LRRTM4: variants seen among roughly 807,000 people sequenced by gnomAD.
LRRTM4 encodes the protein leucine rich repeat transmembrane neuronal 4.
LRRTM4 carries 25 observed loss-of-function variants against 47.6 expected under a neutral mutation model. The ratio of observed to expected loss-of-function variants is 0.53; its 90% CI spans 0.38 to 0.73. The LOEUF is 0.73. LRRTM4 is among the 30% of genes least tolerant of loss of function. LRRTM4 has a pLI of 0.00. For missense variants in LRRTM4, 638 were observed against 713.4 expected (o/e 0.89, Z 1.20); for synonymous variants, 311 against 269.5 (o/e 1.15, Z -1.51).
chr2:76,957,686 T>C (rs996333786), intron 3 of LRRTM4, among the ~76,000 whole-genome samples: 1 of 151,736 alleles, frequency 6.6e-6, no homozygotes, highest in African/African-American at 2.4e-5. Context: ...TCAGGAACCA[T>C]CATTAGAAAC....
At chr2:76,885,449 T>A (rs1673043131) in intron 3 of LRRTM4, among the ~76,000 whole-genome samples, 1 of 149,648 alleles carries the variant, frequency 6.7e-6, no homozygotes, top group African/African-American at 2.5e-5. Context: ...AAGAAAGTTT[T>A]GACAAAAACA....
At chr2:77,424,987 T>C (rs1254026945) in intron 3 of LRRTM4, among the ~76,000 whole-genome samples, 1 of 152,168 alleles carries the variant, frequency 6.6e-6, no homozygotes, top group African/African-American at 2.4e-5. Flanking sequence ...GAAACATCTT[T>C]GAATCACAGC....
At chr2:76,934,879 T>TA (rs138723296) in intron 3 of LRRTM4, among the ~76,000 whole-genome samples, 13,846 of 152,106 alleles carry the variant, frequency 0.091, 950 homozygotes, top group East Asian at 0.38. Context: ...CAGCTTAATC[T>TA]AACAATTCTG....
intron 3 of LRRTM4, among the ~76,000 whole-genome samples, chr2:77,152,829 A>G (rs1672465871): frequency 6.6e-6 from 1 of 152,196 alleles, no homozygotes; most frequent in African/African-American, 2.4e-5. Context: ...TTACAGTTAT[A>G]TAAATGTATG....
intron 3 of LRRTM4, among the ~76,000 whole-genome samples, chr2:77,063,436 C>T (rs1558558070): frequency 6.6e-6 from 1 of 151,994 alleles, no homozygotes; most frequent in Non-Finnish European, 1.5e-5. Flanking sequence ...ATTTCATAGG[C>T]CTCTCTGTTT....
At position 77,496,817 on chromosome 2, in the gene LRRTM4, G is replaced by A. The variant is rs972322099; in HGVS notation, c.1551+21501C>T. ...ATGGCCTTCTTGAATGAGTTGGAAC[G>A]TGTTTCCTCCTCTTCAATTCTTTTT... On this transcript the variant is annotated intron_variant, in intron 3 of 3. Coordinates refer to ENST00000409884, the MANE Select transcript of LRRTM4 (RefSeq NM_001134745.3). Among the ~76,000 whole-genome samples, 7 of 151,594 alleles carry A rather than the reference G, an allele frequency of 4.6e-5. No individual in the cohort carries two copies. In the South Asian group the frequency reaches 1.2e-3, roughly 27 times the overall value.
At chr2:77,365,808 A>G (rs1454350198) in intron 3 of LRRTM4, among the ~76,000 whole-genome samples, 3 of 150,930 alleles carry the variant, frequency 2.0e-5, no homozygotes, top group African/African-American at 4.8e-5. Flanking sequence ...GCGTAAACCT[A>G]TTTGATGGAA....
chr2:76,889,996 T>C (rs990128399), intron 3 of LRRTM4, among the ~76,000 whole-genome samples: 1 of 151,938 alleles, frequency 6.6e-6, no homozygotes, highest in Admixed American at 6.6e-5. Context: ...GGGATATACA[T>C]AGAGTTCTGT....
At chr2:77,448,018 G>C (rs1350257433) in intron 3 of LRRTM4, among the ~76,000 whole-genome samples, 1 of 152,130 alleles carries the variant, frequency 6.6e-6, no homozygotes, top group East Asian at 1.9e-4. Flanking sequence ...GATTAGATGA[G>C]TGAACCATGG....
chr2:77,295,954 T>A (rs1034580642), intron 3 of LRRTM4, among the ~76,000 whole-genome samples: 10 of 152,310 alleles, frequency 6.6e-5, no homozygotes, highest in Admixed American at 4.6e-4. Context: ...TGACAATCAT[T>A]TGATTTGATA....
At chr2:76,906,618 CA>C (rs1462131577) in intron 3 of LRRTM4, among the ~76,000 whole-genome samples, 45 of 152,182 alleles carry the variant, frequency 3.0e-4, no homozygotes, top group African/African-American at 1.0e-3. Context: ...CATGCAGAGA[CA>C]CACATAGGCT....
intron 3 of LRRTM4, among the ~76,000 whole-genome samples, chr2:76,827,511 G>A (rs1271859529): frequency 2.0e-5 from 3 of 151,772 alleles, no homozygotes; most frequent in Non-Finnish European, 4.4e-5. Context: ...CCATATGGAT[G>A]CTGGAAACTA....
chr2:76,902,342 A>G (rs951822685), intron 3 of LRRTM4, among the ~76,000 whole-genome samples: 7 of 152,140 alleles, frequency 4.6e-5, no homozygotes, highest in Non-Finnish European at 1.0e-4. Flanking sequence ...TTAAATAACC[A>G]TGATTTAAAA....
At chr2:77,038,518 T>C (rs985118255) in intron 3 of LRRTM4, among the ~76,000 whole-genome samples, 4 of 151,592 alleles carry the variant, frequency 2.6e-5, no homozygotes, top group Admixed American at 1.3e-4. Flanking sequence ...GTATGTCACA[T>C]GCCCAATACT....
At position 77,519,581 on chromosome 2, in the gene LRRTM4, G is replaced by T; in HGVS notation, c.288C>A (p.Tyr96Ter). The T allele has an allele frequency of 6.2e-7, 1 of 1,613,472 alleles. No homozygotes were observed. Among genetic ancestry groups the T allele is most frequent in the Admixed American group, 1.7e-5 (1 of 59,896 alleles). The part of the protein sequence containing the change: ...QLIWLYLDHN[Y>*]ISSVDEDAFQ... ...ATGCATCTTCATCCACTGAGCTAAT[G>T]TAATTATGGTCAAGATAAAGCCATA... The change falls in exon 3 of 4, where the codon TAC becomes TAA. Residue 96 changes from tyrosine to a stop codon, truncating the protein, a stop_gained. Transcript: ENST00000409884. LOFTEE classifies it high-confidence loss of function. The surrounding 1 kb of genome is among the most constrained non-coding windows in gnomAD (Gnocchi z 4.6).
chr2:77,257,735 C>T (rs1675808679), intron 3 of LRRTM4, among the ~76,000 whole-genome samples: 1 of 151,806 alleles, frequency 6.6e-6, no homozygotes, highest in African/African-American at 2.4e-5. Context: ...CACACACACA[C>T]ACACACACAC....
intron 3 of LRRTM4, among the ~76,000 whole-genome samples, chr2:77,215,289 G>A (rs1558637076): frequency 6.6e-6 from 1 of 152,192 alleles, no homozygotes; most frequent in Non-Finnish European, 1.5e-5. Flanking sequence ...AATGAGGTCA[G>A]GGTAAAAGCA....
At chr2:76,765,093 T>G (rs1673405373) in intron 3 of LRRTM4, among the ~76,000 whole-genome samples, 1 of 152,226 alleles carries the variant, frequency 6.6e-6, no homozygotes, top group Non-Finnish European at 1.5e-5. Flanking sequence ...TTTTTGAGAC[T>G]TAATATCTAA....
chr2:77,496,867 A>C (rs1225016594), intron 3 of LRRTM4, among the ~76,000 whole-genome samples: 1 of 151,618 alleles, frequency 6.6e-6, no homozygotes, highest in Non-Finnish European at 1.5e-5. Context: ...CTTATATAGA[A>C]TTTGCATTAT....
Sources: gnomAD v4.1 joint callset for allele counts (sites outside exome capture counted in the v4.1 genomes callset) on GRCh38, gnomAD v4.1.1 for gene constraint, Gnocchi (gnomAD v3.1) non-coding constraint, MANE v1.5 for transcripts, NCBI Gene and HGNC (gene_info 2026-07-23, HGNC 2026-07-21) for gene names.